The following PCM1 variants were observed in gnomAD, a reference collection of about 807,000 sequenced individuals.
The protein encoded by PCM1 is pericentriolar material 1 protein.
PCM1 carries 157 observed loss-of-function variants against 241.9 expected under a neutral mutation model. The observed-to-expected ratio is 0.65, with a 90% CI of 0.57 to 0.74. PCM1 has a LOEUF of 0.74. PCM1 is among the 30% of genes least tolerant of loss of function. The pLI, the probability that PCM1 is intolerant of heterozygous loss-of-function variation, is 0.00. For missense variants in PCM1, 3,478 were observed against 2,360.1 expected (o/e 1.47, Z -9.81); for synonymous variants, 1,085 against 784.9 (o/e 1.38, Z -6.39).
chr8:17,947,101 A>T (rs2064117640), intron 6 of PCM1, 85 bp from the exon 7 acceptor site: 1 of 726,692 alleles, frequency 1.4e-6, no homozygotes, highest in African/African-American at 1.8e-5. Flanking sequence ...ATTTGTTATC[A>T]ATGTGTATAC....
chr8:17,947,911 C>G (rs1235600253), intron 7 of PCM1, among the ~76,000 whole-genome samples: 1 of 152,152 alleles, frequency 6.6e-6, no homozygotes, highest in Non-Finnish European at 1.5e-5. Context: ...TTTCTTCCTC[C>G]TTTCCTCATA....
At chr8:17,935,537 ATTGAAT>A in intron 2 of PCM1, 46 bp from the exon 3 acceptor site, 1 of 666,590 alleles carries the variant, frequency 1.5e-6, no homozygotes, top group Non-Finnish European at 2.7e-6. Flanking sequence ...TGATTTGAAA[ATTGAAT>A]TTGTTTTTAT....
intron 2 of PCM1, chr8:17,927,954 AC>A (rs1006133196): frequency 2.0e-5 from 3 of 150,678 alleles, no homozygotes; most frequent in African/African-American, 7.4e-5. Context: ...AAAAAAAAAA[AC>A]CACTAAGGCT....
intron 1 of PCM1, among the ~76,000 whole-genome samples, 199 bp downstream of exon 1, chr8:17,923,387 G>A (rs983744140): frequency 2.0e-5 from 3 of 152,204 alleles, no homozygotes; most frequent in Non-Finnish European, 4.4e-5. Context: ...ACTGATCGCC[G>A]GGATCCCCGG....
In PCM1 at chr8:17,989,959, C is replaced by G. The variant is rs1402585335; in HGVS notation, c.4511C>G (p.Pro1504Arg). The G allele has an allele frequency of 6.5e-7, 1 of 1,534,276 alleles. No individual in the cohort carries two copies. The highest frequency in any genetic ancestry group is 8.8e-7 in the Non-Finnish European group (1 of 1,138,930). The change falls in exon 27 of 39, where the codon CCT becomes CGT. Residue 1504 changes from proline to arginine, a missense_variant. Transcript: ENST00000325083. ...SVLSVSSNFE[P>R]FATDDLGNTV... ...CTGTCTGTATCATCAAATTTTGAGC[C>G]TTTTGCAACAGATGATCTAGGTAAG... is the stretch of plus-strand genomic sequence containing the variant.
chr8:17,984,683 C>T (rs982545008), intron 24 of PCM1, among the ~76,000 whole-genome samples: 16 of 151,722 alleles, frequency 1.1e-4, no homozygotes, highest in African/African-American at 1.7e-4. Context: ...TCTTTGAAAG[C>T]GCAATGTATT....
chr8:17,957,466 A>G (rs2129462859), intron 12 of PCM1, 45 bp downstream of exon 12: 1 of 1,607,698 alleles, frequency 6.2e-7, no homozygotes, highest in African/African-American at 1.3e-5. Context: ...TGTTATTCTT[A>G]CAAAGTGGGT....
intron 34 of PCM1, 196 bp from the exon 35 acceptor site, chr8:18,013,768 G>T (rs911602104): frequency 2.5e-5 from 13 of 519,686 alleles, no homozygotes; most frequent in Admixed American, 8.1e-5. Context: ...GTGTTTTTAA[G>T]GCAACAAGGA....
chr8:17,983,262 A>C, intron 24 of PCM1: 1 of 1,325,316 alleles, frequency 7.5e-7, no homozygotes, highest in South Asian at 1.2e-5. Context: ...ACAGCAGTCT[A>C]ACAGAAATGC....
Position 17,989,789 on chromosome 8 carries a change from T to A in PCM1, c.4411-70T>A, listed in dbSNP as rs73573613. 4.4e-3 allele frequency: 4,631 copies of A among 1,059,610 alleles called. 150 individuals are homozygous for A. In the African/African-American group the frequency reaches 0.066, roughly 15 times the overall value. The allele number at this position is 1,059,610 out of a possible 1,614,324, so 65.6% of individuals were successfully genotyped here. ...ACAATTTTATGTAAATACTTAGTTA[T>A]CTCTGTTAGATTATTAATATGAAAT... On this transcript the variant is annotated intron_variant, in intron 26 of 38. Coordinates refer to ENST00000325083, the MANE Select transcript of PCM1 (RefSeq NM_006197.4).
chr8:17,937,755 T>G (rs117996013), intron 4 of PCM1, among the ~76,000 whole-genome samples: 2,569 of 152,284 alleles, frequency 0.017, 39 homozygotes, highest in South Asian at 0.043. Context: ...ACCTCAAGTT[T>G]AGAATGAAAC....
rs981331877 is a variant in PCM1, at chr8:17,953,035, G to A, written c.1137G>A (p.Gln379=). 3.7e-6 allele frequency: 6 copies of A among 1,608,580 alleles called. No individual in the cohort carries two copies. Among genetic ancestry groups the A allele is most frequent in the Non-Finnish European group, 5.1e-6 (6 of 1,177,034 alleles). ...ESLSLTREVS[Q]SRKPSASERL... is the part of the protein sequence containing the mutation. Reference sequence around the variant, plus strand: ...TTTCATTAACTAGGGAGGTTTCCCAGAGCAGGAAACCATCAGCTTCAGAAC... The same window carrying A: ...TTTCATTAACTAGGGAGGTTTCCCAAAGCAGGAAACCATCAGCTTCAGAAC... The change falls in exon 9 of 39, where the codon CAG becomes CAA. Residue 379 remains glutamine, a synonymous_variant. Coordinates refer to ENST00000325083, the MANE Select transcript of PCM1 (RefSeq NM_006197.4).
chr8:18,006,751 G>A (rs548580980), intron 30 of PCM1, among the ~76,000 whole-genome samples: 92 of 152,284 alleles, frequency 6.0e-4, no homozygotes, highest in African/African-American at 1.9e-3. Flanking sequence ...TGACTAATCA[G>A]GGAAATTTTG....
rs769535090 is a variant in PCM1 at position 17,937,319 on chromosome 8, C to G, written c.282C>G (p.Val94=). ...PHSRYMSQMS[V]PEQAELEKLK... ...GTAGATACATGAGTCAGATGTCTGT[C>G]CCAGAGCAGGCAGAATTAGAGAAAC... Residue 94 remains valine, a synonymous_variant, in exon 4 of 39, where the codon GTC becomes GTG. Coordinates refer to ENST00000325083, the MANE Select transcript of PCM1 (RefSeq NM_006197.4). 3.7e-6 allele frequency: 6 copies of G among 1,608,524 alleles called. No homozygotes were observed. Among genetic ancestry groups the G allele is most frequent in the Non-Finnish European group, 5.1e-6 (6 of 1,176,622 alleles).
In PCM1 at chr8:17,924,779, A is replaced by G. The variant is rs1227165108; in HGVS notation, c.-24A>G. 1.3e-5 allele frequency: 2 copies of G among 152,238 alleles called. No homozygotes were observed. Among genetic ancestry groups the G allele is most frequent in the East Asian group, 1.9e-4 (1 of 5,202 alleles). 9.4% of individuals were successfully genotyped at this position (152,238 alleles called of 1,614,324 possible). A position where few individuals can be genotyped will look rare whatever the true frequency, so the allele number is the denominator to read the frequency against. ...GAGCTGCAAAAACTAGTTTCTAAACAGGTAATTTGACATTATTATCTGTAT... is the reference window on the plus strand; with the variant it reads ...GAGCTGCAAAAACTAGTTTCTAAACGGGTAATTTGACATTATTATCTGTAT... On this transcript the variant is annotated splice_region_variant and 5_prime_UTR_variant, in exon 2 of 39. Coordinates refer to ENST00000325083, the MANE Select transcript of PCM1 (RefSeq NM_006197.4).
chr8:17,947,520 A>T (rs962992487), intron 7 of PCM1, among the ~76,000 whole-genome samples, 157 bp downstream of exon 7: 28 of 152,140 alleles, frequency 1.8e-4, no homozygotes, highest in Admixed American at 1.6e-3. Context: ...TTCTCTGGTT[A>T]TGCAGAAAAG....
intron 3 of PCM1, among the ~76,000 whole-genome samples, chr8:17,936,617 G>A (rs890452268): frequency 1.3e-5 from 2 of 151,988 alleles, no homozygotes; most frequent in Non-Finnish European, 2.9e-5. Context: ...CTATTTTGAA[G>A]GTGACACTAT....
chr8:18,027,440 T>C (rs985278460), intron 38 of PCM1, among the ~76,000 whole-genome samples, 197 bp from the exon 39 acceptor site: 3 of 152,236 alleles, frequency 2.0e-5, no homozygotes, highest in Admixed American at 1.3e-4. Flanking sequence ...ATCTGCTCAG[T>C]CTGCCTTGTT....
At position 17,957,775 on chromosome 8, in the gene PCM1, G is replaced by A. The variant is rs976345387; in HGVS notation, c.2040G>A (p.Gln680=). ...TACAAGATCTTGTTGCTATGGTACA[G>A]GTAAATATTGCTTGGTCTTTTAAAA... The part of the protein sequence containing the change: ...RQLQDLVAMV[Q]DDDAAQGVIS... The change falls in exon 13 of 39, where the codon CAG becomes CAA. Residue 680 remains glutamine (Q), a splice_region_variant and synonymous_variant. Transcript: ENST00000325083. 2 of 1,590,326 alleles carry A rather than the reference G, an allele frequency of 1.3e-6. No homozygotes were observed. The highest frequency in any genetic ancestry group is 1.7e-6 in the Non-Finnish European group (2 of 1,160,026).
Sources: allele counts gnomAD v4.1 joint callset (sites outside exome capture counted in the v4.1 genomes callset), GRCh38; gene constraint gnomAD v4.1.1; transcripts MANE v1.5; gene names NCBI Gene and HGNC (gene_info 2026-07-23, HGNC 2026-07-21).